Variants in HSD17B3 observed in about 807,000 individuals in gnomAD.
HSD17B3 encodes the protein 17-beta-hydroxysteroid dehydrogenase type 3.
A neutral mutation model predicts 41.1 loss-of-function variants in HSD17B3; 29 were observed. The ratio of observed to expected loss-of-function variants is 0.71; its 90% CI spans 0.53 to 0.96. HSD17B3 has a LOEUF of 0.96. Among genes scored for constraint, HSD17B3 ranks in the 40% least tolerant of loss-of-function variants. HSD17B3 has a pLI of 0.00. For missense variants in HSD17B3, 323 were observed against 374.6 expected, an observed-to-expected ratio of 0.86 and a Z score of 1.14; for synonymous variants, 126 against 145.6, an observed-to-expected ratio of 0.87 and a Z score of 0.97.
chr9:96,256,477 CA>C (rs552772513), intron 2 of HSD17B3, among the ~76,000 whole-genome samples: 218 of 151,526 alleles, frequency 1.4e-3, no homozygotes, highest in African/African-American at 5.0e-3. Context: ...CTACTAAAAA[CA>C]CAAAAAATAA....
chr9:96,295,387 T>C (rs1319569076), intron 2 of HSD17B3, among the ~76,000 whole-genome samples: 1 of 151,150 alleles, frequency 6.6e-6, no homozygotes, highest in Non-Finnish European at 1.5e-5. Context: ...CAGGCTGGAG[T>C]GCAATGGCAC....
intron 1 of HSD17B3, among the ~76,000 whole-genome samples, chr9:96,301,594 C>G (rs1827607656): frequency 6.6e-6 from 1 of 150,818 alleles, no homozygotes; most frequent in African/African-American, 2.4e-5. Flanking sequence ...GCCTGTAATC[C>G]CAGCTACTTG....
chr9:96,268,897 C>T (rs767208994), intron 2 of HSD17B3, among the ~76,000 whole-genome samples: 2 of 151,936 alleles, frequency 1.3e-5, no homozygotes, highest in Non-Finnish European at 2.9e-5. Flanking sequence ...TGCAGTGAGC[C>T]GAGATCGTGG....
intron 2 of HSD17B3, among the ~76,000 whole-genome samples, chr9:96,267,448 G>A (rs1342131780): frequency 2.6e-5 from 4 of 152,150 alleles, no homozygotes; most frequent in East Asian, 3.9e-4. Flanking sequence ...GTGAGTCACC[G>A]TGCCTGGCCA....
rs113256345 is a variant in HSD17B3 at position 96,301,754 on chromosome 9, G to A, written c.154+197C>T. ...CCATTAGCCAGGTGTGGTGACAGGC[G>A]CCTATAATCCCAGCTACTTGGGAGG... On this transcript the variant is annotated intron_variant, in intron 1 of 10. Transcript: ENST00000375263. Among the ~76,000 whole-genome samples the A allele has an allele frequency of 0.031, 4,661 of 150,562 alleles. 159 individuals are homozygous for A. Among genetic ancestry groups the A allele is most frequent in the African/African-American group, 0.075 (3,064 of 40,828 alleles).
intron 2 of HSD17B3, chr9:96,256,198 A>C (rs1825650085): frequency 6.6e-6 from 1 of 152,254 alleles, no homozygotes; most frequent in South Asian, 2.1e-4. Flanking sequence ...TACACATAAC[A>C]AAATCTACCA....
At chr9:96,301,850 C>A in intron 1 of HSD17B3, 101 bp downstream of exon 1, 3 of 1,344,774 alleles carry the variant, frequency 2.2e-6, no homozygotes, top group Non-Finnish European at 3.2e-6. Context: ...CATTGCACTC[C>A]AGCCTGGGTG....
At chr9:96,251,105 C>A in intron 5 of HSD17B3, 1 of 372,154 alleles carries the variant, frequency 2.7e-6, no homozygotes, top group Non-Finnish European at 4.9e-6. Flanking sequence ...TTCACAGCTG[C>A]GAATGTGTTA....
At chr9:96,277,659 A>C (rs1826517771) in intron 2 of HSD17B3, among the ~76,000 whole-genome samples, 1 of 130,666 alleles carries the variant, frequency 7.7e-6, no homozygotes, top group African/African-American at 2.8e-5. Context: ...ACTGTATGGA[A>C]GTTCCTTCAA....
At chr9:96,268,463 A>C (rs1224359495) in intron 2 of HSD17B3, among the ~76,000 whole-genome samples, 1 of 152,234 alleles carries the variant, frequency 6.6e-6, no homozygotes, top group African/African-American at 2.4e-5. Flanking sequence ...TTCTACCACC[A>C]TTAAAAATTA....
chr9:96,287,343 G>A (rs1386266598), intron 2 of HSD17B3, among the ~76,000 whole-genome samples: 1 of 152,190 alleles, frequency 6.6e-6, no homozygotes, highest in Non-Finnish European at 1.5e-5. Flanking sequence ...ACAGCCACTG[G>A]GTGGAGCAGA....
chr9:96,297,205 C>T (rs943029956), intron 2 of HSD17B3, among the ~76,000 whole-genome samples: 1 of 151,878 alleles, frequency 6.6e-6, no homozygotes, highest in Non-Finnish European at 1.5e-5. Context: ...TGGAATATCT[C>T]ATATTTCTCA....
chr9:96,240,343 T>G (rs1209274762), intron 10 of HSD17B3, among the ~76,000 whole-genome samples: 1 of 152,246 alleles, frequency 6.6e-6, no homozygotes, highest in Non-Finnish European at 1.5e-5. Context: ...TGGAAGTATT[T>G]ATACCGTGGA....
intron 2 of HSD17B3, among the ~76,000 whole-genome samples, chr9:96,291,399 G>A (rs1827151304): frequency 8.5e-6 from 1 of 118,064 alleles, no homozygotes; most frequent in South Asian, 2.9e-4. Context: ...GTGGAGAATT[G>A]AGCCCCCACT....
chr9:96,261,453 C>G (rs1452751572), intron 2 of HSD17B3, among the ~76,000 whole-genome samples: 2 of 152,180 alleles, frequency 1.3e-5, no homozygotes, highest in Admixed American at 1.3e-4. Flanking sequence ...CCTTGGCCTC[C>G]CAAAGTGCTG....
chr9:96,250,605 G>A (rs980297734), intron 5 of HSD17B3: 3 of 401,782 alleles, frequency 7.5e-6, no homozygotes, highest in African/African-American at 4.3e-5. Context: ...TGTTAAATGC[G>A]GCCGGGCGCA....
At chr9:96,284,215 T>TAAAAAA (rs569621446) in intron 2 of HSD17B3, among the ~76,000 whole-genome samples, 46 of 100,206 alleles carry the variant, frequency 4.6e-4, no homozygotes, top group Admixed American at 5.4e-4. Flanking sequence ...GACTCCATCT[T>TAAAAAA]AAAAAAAAAA....
rs751289088 is a variant in HSD17B3, at chr9:96,244,351, T to C, written c.650A>G (p.Lys217Arg). ...CACCTGGATGATGACTTCTTTTGCT[T>C]TATATTCCTCTTGCAGGGCCTTGGA... ...AFSKALQEEYKAKEVIIQVLT... is the reference protein window; with the variant it reads ...AFSKALQEEYRAKEVIIQVLT... Residue 217 changes from lysine to arginine, a missense_variant, in exon 9 of 11, where the codon AAA becomes AGA. Coordinates refer to ENST00000375263, the MANE Select transcript of HSD17B3 (RefSeq NM_000197.2). 5.0e-6 allele frequency: 8 copies of C among 1,614,156 alleles called. No homozygotes were observed. In the Admixed American group the frequency reaches 1.3e-4, roughly 27 times the overall value.
At chr9:96,279,079 A>G (rs1041610372) in intron 2 of HSD17B3, among the ~76,000 whole-genome samples, 5 of 152,218 alleles carry the variant, frequency 3.3e-5, no homozygotes, top group African/African-American at 1.2e-4. Flanking sequence ...ACCAAATCAC[A>G]GTTCAAGGCC....
Sources: allele counts gnomAD v4.1 joint callset (sites outside exome capture counted in the v4.1 genomes callset), GRCh38; gene constraint gnomAD v4.1.1; transcripts MANE v1.5; gene names NCBI Gene and HGNC (gene_info 2026-07-23, HGNC 2026-07-21).